The following RUNX1 variants were observed in gnomAD, a reference collection of about 807,000 sequenced individuals.
RUNX1 encodes RUNX family transcription factor 1.
A neutral mutation model predicts 42.8 loss-of-function variants in RUNX1; 19 were observed. The ratio of observed to expected loss-of-function variants is 0.44; its 90% confidence interval spans 0.31 to 0.65. The LOEUF is 0.65. Among genes scored for constraint, RUNX1 ranks in the 30% least tolerant of loss-of-function variants. RUNX1 has a pLI of 0.07. For synonymous variants in RUNX1, 271 were observed against 289.4 expected (o/e 0.94, Z 0.64); for missense variants, 528 against 672.0 (o/e 0.79, Z 2.37).
At chr21:34,956,994 G>A (rs1196059868) in intron 2 of RUNX1, among the ~76,000 whole-genome samples, 1 of 152,186 alleles carries the variant, frequency 6.6e-6, no homozygotes, top group African/African-American at 2.4e-5. Context: ...ACAGAGCACA[G>A]CCTGTGCCCC....
In RUNX1 at chr21:34,910,529, C is replaced by T. The variant is rs140879971; in HGVS notation, c.59-17566G>A. On this transcript the variant is annotated intron_variant, in intron 2 of 8. Coordinates refer to ENST00000675419, the MANE Select transcript of RUNX1 (RefSeq NM_001754.5). Reference sequence around the variant, plus strand: ...CGGTTGCCCTTTGTCCTCTCTGTCACCAGCCCTGGACATGAGGGTGAGACA... The same window carrying T: ...CGGTTGCCCTTTGTCCTCTCTGTCATCAGCCCTGGACATGAGGGTGAGACA... Among the ~76,000 whole-genome samples, 13 of 152,266 alleles carry T rather than the reference C, an allele frequency of 8.5e-5. No homozygotes were observed. In the East Asian group the frequency reaches 2.3e-3, roughly 27 times the overall value.
chr21:34,908,949 CTGTGTGTG>C (rs926850593), intron 2 of RUNX1, among the ~76,000 whole-genome samples: 1 of 151,722 alleles, frequency 6.6e-6, no homozygotes, highest in African/African-American at 2.4e-5. Context: ...GTGTGTGTGT[CTGTGTGTG>C]TGTATGTGTG....
chr21:34,989,405 C>T (rs1569139374), intron 2 of RUNX1, among the ~76,000 whole-genome samples: 1 of 151,920 alleles, frequency 6.6e-6, no homozygotes, highest in Non-Finnish European at 1.5e-5. Context: ...TTTTACCTTT[C>T]TAGGAGAGCT....
chr21:34,859,591 G>T lies in RUNX1; in HGVS notation c.509-13C>A. 1 of 1,597,730 alleles carries T rather than the reference G, an allele frequency of 6.3e-7. No homozygotes were observed. The highest frequency in any genetic ancestry group is 8.6e-7 in the Non-Finnish European group (1 of 1,165,058). On this transcript the variant is annotated splice_polypyrimidine_tract_variant and intron_variant, in intron 5 of 8. Coordinates refer to ENST00000675419, the MANE Select transcript of RUNX1 (RefSeq NM_001754.5). Reference sequence around the variant, plus strand: ...GTGAAGCTTTTCCCTGTGGGGACACGATAGAGAACAAAACAGAATGAGGTT... The same window carrying T: ...GTGAAGCTTTTCCCTGTGGGGACACTATAGAGAACAAAACAGAATGAGGTT...
At chr21:34,886,790 C>CCCGGCCTCG (rs2057995569) in intron 4 of RUNX1, 53 bp downstream of exon 4, 1 of 1,610,672 alleles carries the variant, frequency 6.2e-7, no homozygotes, top group Admixed American at 1.7e-5. Context: ...GCGGATCTCC[C>CCCGGCCTCG]CCGGCCTCGC....
chr21:34,797,711 G>C (rs1292012142), intron 8 of RUNX1, among the ~76,000 whole-genome samples: 2 of 152,200 alleles, frequency 1.3e-5, no homozygotes, highest in Non-Finnish European at 2.9e-5. Context: ...GGAGCAGAAT[G>C]TACCATGAAA....
At chr21:34,894,548 T>C (rs2058113241) in intron 2 of RUNX1, among the ~76,000 whole-genome samples, 1 of 151,440 alleles carries the variant, frequency 6.6e-6, no homozygotes, top group African/African-American at 2.4e-5. Flanking sequence ...CCTGTGGAGG[T>C]TTGAAGTGAT....
intron 2 of RUNX1, among the ~76,000 whole-genome samples, chr21:35,006,717 G>A (rs1294261577): frequency 6.6e-6 from 1 of 152,200 alleles, no homozygotes; most frequent in Non-Finnish European, 1.5e-5. Context: ...TGGTGAATGA[G>A]GAGCATGGAG....
intron 7 of RUNX1, among the ~76,000 whole-genome samples, chr21:34,809,296 CT>C (rs1377684223): frequency 6.6e-6 from 1 of 152,044 alleles, no homozygotes; most frequent in African/African-American, 2.4e-5. Flanking sequence ...CCTCTGGCAC[CT>C]TTGCCCCGCT....
At chr21:34,930,110 A>T (rs1383355807) in intron 2 of RUNX1, among the ~76,000 whole-genome samples, 1 of 145,746 alleles carries the variant, frequency 6.9e-6, no homozygotes, top group Non-Finnish European at 1.5e-5. Flanking sequence ...ATAAATATAT[A>T]TATTTGAATT....
At chr21:34,863,712 A>G (rs766656054) in intron 5 of RUNX1, among the ~76,000 whole-genome samples, 7 of 151,780 alleles carry the variant, frequency 4.6e-5, no homozygotes, top group Non-Finnish European at 7.4e-5. Flanking sequence ...ATACCACCAC[A>G]CCCAGCTAAT....
chr21:35,005,359 C>A (rs1212922153), intron 2 of RUNX1, among the ~76,000 whole-genome samples: 1 of 152,132 alleles, frequency 6.6e-6, no homozygotes, highest in Non-Finnish European at 1.5e-5. Flanking sequence ...CCTCTTCTGT[C>A]CTCTAAAGCA....
chr21:34,857,191 G>A (rs919935757), intron 6 of RUNX1, among the ~76,000 whole-genome samples: 17 of 152,226 alleles, frequency 1.1e-4, no homozygotes, highest in African/African-American at 3.9e-4. Flanking sequence ...ATTCCATTTG[G>A]CAGGGAAGAC....
intron 2 of RUNX1, among the ~76,000 whole-genome samples, chr21:34,989,016 T>C (rs71329090): frequency 0.26 from 33,738 of 131,810 alleles, 4,329 homozygotes; most frequent in Non-Finnish European, 0.31. Context: ...CTCTCTCTCT[T>C]TTTTTTTTTT....
In RUNX1 at chr21:34,886,918, G is replaced by A. The variant is rs765414656; in HGVS notation, c.276C>T (p.Thr92=). 1 of 1,613,338 alleles carries A rather than the reference G, an allele frequency of 6.2e-7. No homozygotes were observed. Among genetic ancestry groups the A allele is most frequent in the East Asian group, 2.2e-5 (1 of 44,882 alleles). The change falls in exon 4 of 9, where the codon ACC becomes ACT. Residue 92 remains threonine (T), a synonymous_variant. Transcript: ENST00000675419. ...LADHPGELVR[T]DSPNFLCSVL... is the part of the protein sequence containing the mutation. The stretch of plus-strand genomic sequence containing the variant: ...CGGAGCAGAGGAAGTTGGGGCTGTC[G>A]GTGCGCACCAGCTCGCCCGGGTGGT...
chr21:35,048,408 T>C (rs1226920957), intron 2 of RUNX1, among the ~76,000 whole-genome samples: 1 of 152,240 alleles, frequency 6.6e-6, no homozygotes, highest in Non-Finnish European at 1.5e-5. Context: ...GCTCTGTGCA[T>C]GTGCCTGCTA....
chr21:34,802,544 G>A (rs1202858020), intron 7 of RUNX1, among the ~76,000 whole-genome samples: 2 of 152,070 alleles, frequency 1.3e-5, no homozygotes, highest in Non-Finnish European at 2.9e-5. Flanking sequence ...AAACATTTTT[G>A]CTTCACTTGG....
At chr21:34,820,197 G>A (rs561661201) in intron 7 of RUNX1, among the ~76,000 whole-genome samples, 15 of 152,312 alleles carry the variant, frequency 9.8e-5, no homozygotes, top group African/African-American at 3.6e-4. Flanking sequence ...CTGGGGCTGC[G>A]GAGGGTGGGC....
intron 6 of RUNX1, among the ~76,000 whole-genome samples, chr21:34,858,410 C>T (rs1337357626): frequency 2.0e-5 from 3 of 152,202 alleles, no homozygotes; most frequent in Non-Finnish European, 1.5e-5. Flanking sequence ...ATCAGGCACA[C>T]AGCATCATTT....
Sources: allele counts gnomAD v4.1 joint callset (sites outside exome capture counted in the v4.1 genomes callset), GRCh38; gene constraint gnomAD v4.1.1; transcripts MANE v1.5; gene names NCBI Gene and HGNC (gene_info 2026-07-23, HGNC 2026-07-21).